Variants in RGS22 observed in about 807,000 individuals in gnomAD.
The protein encoded by RGS22 is regulator of G-protein signaling 22.
Under a neutral mutation model 172.9 loss-of-function variants are expected in RGS22, and 148 were observed. The ratio of observed to expected loss-of-function variants is 0.86; its 90% CI spans 0.75 to 0.98. The LOEUF is 0.98. Among genes scored for constraint, RGS22 ranks in the 50% least tolerant of loss-of-function variants. RGS22 has a pLI of 0.00. For synonymous variants in RGS22, 458 were observed against 480.2 expected (o/e 0.95, Z 0.60); for missense variants, 1,347 against 1,440.8 (o/e 0.93, Z 1.05).
chr8:99,969,143 A>C (rs1811069263), intron 23 of RGS22, among the ~76,000 whole-genome samples: 1 of 152,172 alleles, frequency 6.6e-6, no homozygotes, highest in Admixed American at 6.5e-5. Flanking sequence ...CAACCAAACT[A>C]AGCTTCATAA....
intron 4 of RGS22, among the ~76,000 whole-genome samples, chr8:100,078,817 G>C (rs771426060): frequency 8.5e-5 from 13 of 152,056 alleles, no homozygotes; most frequent in Non-Finnish European, 1.5e-4. Flanking sequence ...TGTAGAGATA[G>C]TGTTTCGCCA....
chr8:100,105,648 C>G (rs1343480920), intron 1 of RGS22: 1 of 581,726 alleles, frequency 1.7e-6, no homozygotes, highest in Non-Finnish European at 3.0e-6. Context: ...TACCCTTCTT[C>G]ATAGACGGAA....
At chr8:100,032,626 A>C (rs1818956139) in intron 14 of RGS22, among the ~76,000 whole-genome samples, 1 of 152,188 alleles carries the variant, frequency 6.6e-6, no homozygotes, top group Non-Finnish European at 1.5e-5. Flanking sequence ...AAGGTTAACA[A>C]AGATATTCAG....
intron 20 of RGS22, among the ~76,000 whole-genome samples, chr8:99,996,251 AAAGT>A (rs2131299756): frequency 6.6e-6 from 1 of 152,324 alleles, no homozygotes; most frequent in Admixed American, 6.5e-5. Flanking sequence ...CCTAGAACTT[AAAGT>A]ATGTATATAA....
chr8:100,001,202 T>TTATATATATATATATATACG (rs1815018365), intron 18 of RGS22, among the ~76,000 whole-genome samples: 7 of 124,780 alleles, frequency 5.6e-5, no homozygotes, highest in East Asian at 2.3e-4. Flanking sequence ...TCCCAATTTT[T>TTATATATATATATATATACG]TATATATATA....
intron 23 of RGS22, among the ~76,000 whole-genome samples, chr8:99,974,641 T>A (rs1288756555): frequency 1.3e-5 from 2 of 150,068 alleles, no homozygotes; most frequent in African/African-American, 2.5e-5. Context: ...CTACTAAAAA[T>A]ACAAAAATTA....
chr8:100,102,266 C>T (rs1813554219), intron 2 of RGS22, among the ~76,000 whole-genome samples: 2 of 152,142 alleles, frequency 1.3e-5, no homozygotes, highest in Non-Finnish European at 1.5e-5. Flanking sequence ...AACACTTCTG[C>T]CTACATCGTA....
At chr8:100,057,550 C>G (rs759742896) in intron 9 of RGS22, among the ~76,000 whole-genome samples, 4 of 152,090 alleles carry the variant, frequency 2.6e-5, no homozygotes, top group Admixed American at 2.6e-4. Flanking sequence ...GGGTCTTTCC[C>G]ATGCTGGTCT....
At chr8:100,024,920 A>G (rs1818009366) in intron 14 of RGS22, among the ~76,000 whole-genome samples, 1 of 152,126 alleles carries the variant, frequency 6.6e-6, no homozygotes, top group Admixed American at 6.6e-5. Context: ...AACATTAACG[A>G]AACGTCAGGT....
At chr8:100,089,911 C>T (rs945461494) in intron 3 of RGS22, among the ~76,000 whole-genome samples, 1 of 152,038 alleles carries the variant, frequency 6.6e-6, no homozygotes, top group African/African-American at 2.4e-5. Flanking sequence ...CTGTGTGGAC[C>T]ATTATTTACT....
At position 100,062,671 on chromosome 8, in the gene RGS22, T is replaced by A; in HGVS notation, c.1434A>T (p.Lys478Asn). Reference sequence around the variant, plus strand: ...CATTCCACTGTGATCCATCTAACAGTTTAAATTTTGATAAGATTTCTGCAG... The same window carrying A: ...CATTCCACTGTGATCCATCTAACAGATTAAATTTTGATAAGATTTCTGCAG... ...YLSAEILSKF[K>N]LLDGSQWNEE... Residue 478 changes from lysine to asparagine, a missense_variant, in exon 9 of 28, where the codon AAA becomes AAT. Lys to Asn is a moderately conservative substitution (Grantham distance 94, BLOSUM62 0). Transcript: ENST00000360863. The A allele has an allele frequency of 6.2e-7, 1 of 1,600,158 alleles. No individual in the cohort carries two copies. Among genetic ancestry groups the A allele is most frequent in the Non-Finnish European group, 8.5e-7 (1 of 1,173,632 alleles).
At chr8:100,071,849 C>T (rs1811006325) in intron 5 of RGS22, among the ~76,000 whole-genome samples, 8 of 152,212 alleles carry the variant, frequency 5.3e-5, no homozygotes, top group Admixed American at 5.2e-4. Context: ...TCGCGTCACA[C>T]TAGTATTCAT....
chr8:100,041,978 T>C (rs1820184586), intron 11 of RGS22, 62 bp from the exon 12 acceptor site: 1 of 998,472 alleles, frequency 1.0e-6, no homozygotes, highest in Non-Finnish European at 1.5e-6. Context: ...AACAAACAAA[T>C]TTTGAGCACT....
chr8:99,987,559 AT>A lies in RGS22; in HGVS notation c.3078del (p.Leu1026PhefsTer2). The A allele has an allele frequency of 6.2e-7, 1 of 1,611,398 alleles. No individual in the cohort carries two copies. Among genetic ancestry groups the A allele is most frequent in the Admixed American group, 1.7e-5 (1 of 59,876 alleles). On this transcript the variant is annotated frameshift_variant, in exon 21 of 28. Coordinates refer to ENST00000360863, the MANE Select transcript of RGS22 (RefSeq NM_015668.5). LOFTEE classifies it high-confidence loss of function. ...AATTGTCTTGAAGTAACTGGATTCA[AT>A]AATGCTTTGCGAAAAGCAATGATTT... is the stretch of plus-strand genomic sequence containing the variant. Reference protein sequence around the residue: ...SCKIIAFRKALLNPVTSRQFQ... With the variant: ...SCKIIAFRKAXLNPVTSRQFQ...
At position 100,063,582 on chromosome 8, in the gene RGS22, T is replaced by A; in HGVS notation, c.1186A>T (p.Ser396Cys). Reference sequence around the variant, plus strand: ...TGAGAAATACACCAGTCCGCCCTGCTCTCTGGTCCAGCGCTCTCATTCTTT... The same window carrying A: ...TGAGAAATACACCAGTCCGCCCTGCACTCTGGTCCAGCGCTCTCATTCTTT... ...SSKNESAGPE[S>C]RADWCISHRT... The change falls in exon 8 of 28, where the codon AGC (serine) becomes TGC (cysteine). Residue 396 changes from serine (S) to cysteine (C), a missense_variant. By Grantham distance (112) the Ser-to-Cys change is moderately radical. Transcript: ENST00000360863. 6.2e-7 allele frequency: 1 copy of A among 1,614,092 alleles called. No individual in the cohort carries two copies. Among genetic ancestry groups the A allele is most frequent in the Non-Finnish European group, 8.5e-7 (1 of 1,179,990 alleles).
At chr8:100,072,926 G>T (rs1586208308) in intron 4 of RGS22, among the ~76,000 whole-genome samples, 1 of 152,308 alleles carries the variant, frequency 6.6e-6, no homozygotes, top group East Asian at 1.9e-4. Flanking sequence ...AGAGAGAAAG[G>T]TTGGAGAGGT....
intron 16 of RGS22, among the ~76,000 whole-genome samples, chr8:100,005,603 A>C (rs756109595): frequency 6.6e-5 from 10 of 152,118 alleles, no homozygotes; most frequent in Non-Finnish European, 1.0e-4. Context: ...CTTTTTCTTC[A>C]TTGTTTTCCC....
chr8:100,098,854 A>ATTTTATTTTATTTTATT (rs59580013), intron 2 of RGS22, among the ~76,000 whole-genome samples: 16 of 21,520 alleles, frequency 7.4e-4, no homozygotes, highest in African/African-American at 4.0e-3. Flanking sequence ...TATTTATTTT[A>ATTTTATTTTATTTTATT]TTATTTTATT....
intron 16 of RGS22, 180 bp from the exon 17 acceptor site, chr8:100,004,278 A>G (rs1282995445): frequency 2.9e-6 from 1 of 341,602 alleles, no homozygotes; most frequent in Non-Finnish European, 4.1e-6. Context: ...TAACATATCA[A>G]ATTCTGTTCT....
Sources: gnomAD v4.1 joint callset for allele counts (sites outside exome capture counted in the v4.1 genomes callset) on GRCh38, gnomAD v4.1.1 for gene constraint, MANE v1.5 for transcripts, NCBI Gene and HGNC (gene_info 2026-07-23, HGNC 2026-07-21) for gene names.